The following ITGA6 variants were observed in gnomAD, a reference collection of about 807,000 sequenced individuals.
ITGA6 encodes the protein integrin alpha-6.
Under a neutral mutation model 133.6 loss-of-function variants are expected in ITGA6, and 63 were observed. The observed-to-expected ratio is 0.47, with a 90% CI of 0.38 to 0.58. The LOEUF is 0.58. Ranked by LOEUF, ITGA6 falls within the 20% of genes least tolerant of loss-of-function variation. ITGA6 has a pLI of 0.00. For missense variants in ITGA6, 1,068 were observed against 1,309.4 expected, an observed-to-expected ratio of 0.82 and a Z score of 2.85; for synonymous variants, 434 against 482.0, an observed-to-expected ratio of 0.90 and a Z score of 1.30.
intron 1 of ITGA6, among the ~76,000 whole-genome samples, chr2:172,443,897 C>A (rs928684059): frequency 6.6e-6 from 1 of 152,212 alleles, no homozygotes; most frequent in African/African-American, 2.4e-5. Flanking sequence ...GCCTCGGCCT[C>A]CCGAGTACCT....
chr2:172,449,373 A>G (rs373015257), intron 1 of ITGA6, among the ~76,000 whole-genome samples: 1 of 152,206 alleles, frequency 6.6e-6, no homozygotes. Flanking sequence ...ATTGGGATGC[A>G]TGAATAATAT....
chr2:172,471,644 C>G (rs1014995165), intron 5 of ITGA6, among the ~76,000 whole-genome samples: 5 of 152,170 alleles, frequency 3.3e-5, no homozygotes, highest in African/African-American at 7.2e-5. Flanking sequence ...ATAAAAGCTT[C>G]CCAGCGGAGG....
At chr2:172,454,091 G>T (rs1478640513) in intron 1 of ITGA6, among the ~76,000 whole-genome samples, 43 of 143,056 alleles carry the variant, frequency 3.0e-4, no homozygotes, top group East Asian at 1.5e-3. Flanking sequence ...GTTTTGTTTT[G>T]TTTTTTTTTT....
intron 1 of ITGA6, among the ~76,000 whole-genome samples, chr2:172,440,626 T>C (rs899676689): frequency 5.3e-5 from 8 of 152,200 alleles, no homozygotes; most frequent in African/African-American, 1.9e-4. Flanking sequence ...GTTTAACATA[T>C]TTATGGTACA....
rs1300820442 is a variant in ITGA6 at position 172,487,089 on chromosome 2, A to G, written c.1921A>G (p.Lys641Glu). The G allele has an allele frequency of 1.9e-6, 3 of 1,613,130 alleles. No homozygotes were observed. The highest frequency in any genetic ancestry group is 2.5e-6 in the Non-Finnish European group (3 of 1,179,086). Residue 641 changes from lysine (K) to glutamate (E), a missense_variant, in exon 14 of 26, where the codon AAA (lysine) becomes GAA (glutamate). Around this residue, in one of 3 missense-constraint regions of ITGA6, gnomAD observed 609 missense variants for 707.2 expected, o/e 0.86. Coordinates refer to ENST00000684293, the MANE Select transcript of ITGA6 (RefSeq NM_000210.4). ...TAACAGCAACCTTAAACTAGAATAT[A>G]AATTTTGCACCCGAGAAGGAAATCA... ...VCNSNLKLEY[K>E]FCTREGNQDK...
intron 1 of ITGA6, among the ~76,000 whole-genome samples, chr2:172,437,216 C>G (rs1684356803): frequency 6.6e-6 from 1 of 152,172 alleles, no homozygotes; most frequent in Non-Finnish European, 1.5e-5. Context: ...CATGTCCTCA[C>G]TTGGATTTTA....
chr2:172,477,378 AAGT>A (rs536451827), intron 9 of ITGA6, among the ~76,000 whole-genome samples: 119 of 152,306 alleles, frequency 7.8e-4, no homozygotes, highest in African/African-American at 2.8e-3. Context: ...AATTTTCAAA[AAGT>A]AGCAGATTTA....
rs573013630 is a variant in ITGA6, at chr2:172,433,066, G to A, written c.182+5096G>A. Among the ~76,000 whole-genome samples, 7 of 152,298 alleles carry A rather than the reference G, an allele frequency of 4.6e-5. 1 individual carries two copies. The East Asian group carries it at 1.2e-3, about 25-fold the overall frequency. On this transcript the variant is annotated intron_variant, in intron 1 of 25. Transcript: ENST00000684293. Reference sequence around the variant, plus strand: ...AGCATGGGATCTGGGGATCTGTGTAGCACCCCCGCTGGCTCCTGGGAGGAT... The same window carrying A: ...AGCATGGGATCTGGGGATCTGTGTAACACCCCCGCTGGCTCCTGGGAGGAT...
chr2:172,438,174 G>A (rs538376718), intron 1 of ITGA6, among the ~76,000 whole-genome samples: 1 of 151,766 alleles, frequency 6.6e-6, no homozygotes, highest in Admixed American at 6.6e-5. Context: ...ATAGTGAGCT[G>A]GTTTGATGAA....
chr2:172,474,251 C>T lies in ITGA6; in HGVS notation c.972C>T (p.Asp324=). The stretch of plus-strand genomic sequence containing the variant: ...TTGGCTATGATGTGGCGGTGGTGGA[C>T]CTCAACAAGGATGGGTGAGAAAGCC... ...SSFGYDVAVV[D]LNKDGWQDIV... Residue 324 remains aspartate (D), a synonymous_variant, in exon 6 of 26, where the codon GAC becomes GAT. Transcript: ENST00000684293. The T allele has an allele frequency of 6.2e-7, 1 of 1,613,886 alleles. No homozygotes were observed. The highest frequency in any genetic ancestry group is 1.3e-5 in the African/African-American group (1 of 75,044).
chr2:172,449,877 T>C (rs896566267), intron 1 of ITGA6, among the ~76,000 whole-genome samples: 2 of 136,952 alleles, frequency 1.5e-5, no homozygotes, highest in Non-Finnish European at 3.0e-5. Flanking sequence ...GCCGAAATCA[T>C]GCCACTGCAC....
In ITGA6 at chr2:172,501,766, T is replaced by C; in HGVS notation, c.3115-6T>C. 6.2e-7 allele frequency: 1 copy of C among 1,611,778 alleles called. No individual in the cohort carries two copies. The highest frequency in any genetic ancestry group is 1.1e-5 in the South Asian group (1 of 90,906). On this transcript the variant is annotated splice_polypyrimidine_tract_variant and splice_region_variant and intron_variant, in intron 24 of 25. Coordinates refer to ENST00000684293, the MANE Select transcript of ITGA6 (RefSeq NM_000210.4). The stretch of plus-strand genomic sequence containing the variant: ...AAAATTGACTAAATACCTTGCTTCC[T>C]TGTAGTGTGGTTTCTTCAAGAGAAA...
rs1360998254 is a variant in ITGA6, at chr2:172,487,641, C to G, written c.2244+11C>G. Reference sequence around the variant, plus strand: ...AAAAGAAATTCAAATGTAGGTGATGCCTTCATATACTGTATTTTACTGTTT... The same window carrying G: ...AAAAGAAATTCAAATGTAGGTGATGGCTTCATATACTGTATTTTACTGTTT... On this transcript the variant is annotated intron_variant, in intron 16 of 25. Transcript: ENST00000684293. 1.2e-5 allele frequency: 20 copies of G among 1,610,592 alleles called. No individual in the cohort carries two copies. Among genetic ancestry groups the G allele is most frequent in the Non-Finnish European group, 1.6e-5 (19 of 1,176,922 alleles).
At position 172,480,023 on chromosome 2, in the gene ITGA6, T is replaced by G; in HGVS notation, c.1521T>G (p.Ala507=). The G allele has an allele frequency of 6.3e-7, 1 of 1,591,580 alleles. No individual in the cohort carries two copies. The highest frequency in any genetic ancestry group is 8.6e-7 in the Non-Finnish European group (1 of 1,159,466). Reference sequence around the variant, plus strand: ...TTAAATCCTGTTTTGAATATACTGCTAACCCCGCTGGTTATAATCCTTCAA... The same window carrying G: ...TTAAATCCTGTTTTGAATATACTGCGAACCCCGCTGGTTATAATCCTTCAA... ...LQVKSCFEYT[A]NPAGYNPSIS... The change falls in exon 11 of 26, where the codon GCT becomes GCG. Residue 507 remains alanine, a synonymous_variant. Transcript: ENST00000684293.
At chr2:172,446,532 G>A (rs1350553973) in intron 1 of ITGA6, among the ~76,000 whole-genome samples, 1 of 152,222 alleles carries the variant, frequency 6.6e-6, no homozygotes, top group East Asian at 1.9e-4. Context: ...TATGTGCCGA[G>A]CACTGTGCAA....
intron 11 of ITGA6, chr2:172,480,795 A>T (rs1686409828): frequency 6.6e-6 from 1 of 152,286 alleles, no homozygotes; most frequent in Non-Finnish European, 1.5e-5. Flanking sequence ...TCAAAGTAAG[A>T]TTTTTTTAAA....
intron 1 of ITGA6, among the ~76,000 whole-genome samples, chr2:172,437,446 C>G (rs1684367753): frequency 6.6e-6 from 1 of 152,102 alleles, no homozygotes; most frequent in Non-Finnish European, 1.5e-5. Context: ...TTGGGACAGA[C>G]AGAGTAGAGA....
chr2:172,492,542 T>C (rs1686967629), intron 23 of ITGA6, among the ~76,000 whole-genome samples: 1 of 152,248 alleles, frequency 6.6e-6, no homozygotes, highest in African/African-American at 2.4e-5. Context: ...CTGAGAAGCA[T>C]GTTCTCTATG....
chr2:172,467,347 A>G (rs1262847844), intron 2 of ITGA6, 134 bp from the exon 3 acceptor site: 2 of 695,012 alleles, frequency 2.9e-6, no homozygotes, highest in Non-Finnish European at 5.3e-6. Flanking sequence ...ATTTTTCTGG[A>G]TTGAGTAACT....
Sources: allele counts gnomAD v4.1 joint callset (sites outside exome capture counted in the v4.1 genomes callset), GRCh38; gene constraint gnomAD v4.1.1; regional missense constraint gnomAD v4.1.1; transcripts MANE v1.5; gene names NCBI Gene and HGNC (gene_info 2026-07-23, HGNC 2026-07-21).